Variants in TMEFF2 observed in about 807,000 individuals in gnomAD.
The protein encoded by TMEFF2 is tomoregulin-2.
In TMEFF2, 28 loss-of-function variants were observed where a neutral mutation model predicts 53.8. The observed-to-expected ratio is 0.52, with a 90% CI of 0.39 to 0.71. The LOEUF (loss-of-function observed/expected upper bound fraction) is 0.71. Among genes scored for constraint, TMEFF2 ranks in the 30% least tolerant of loss-of-function variants. The pLI is 0.00. For missense variants in TMEFF2, 353 were observed against 455.2 expected, an observed-to-expected ratio of 0.78 and a Z score of 2.04; for synonymous variants, 162 against 166.3, an observed-to-expected ratio of 0.97 and a Z score of 0.20.
chr2:192,029,259 C>A (rs1265634431), intron 5 of TMEFF2: 1 of 152,048 alleles, frequency 6.6e-6, no homozygotes, highest in Non-Finnish European at 1.5e-5. Context: ...CATGAGTGAG[C>A]TTGCAAGTGG....
chr2:192,081,227 G>A (rs993622236), intron 4 of TMEFF2, among the ~76,000 whole-genome samples: 8 of 152,336 alleles, frequency 5.3e-5, no homozygotes, highest in African/African-American at 1.9e-4. Context: ...AGAAAATGCA[G>A]TGTGCTTTGT....
At chr2:192,092,546 T>G (rs989351414) in intron 4 of TMEFF2, among the ~76,000 whole-genome samples, 3 of 152,132 alleles carry the variant, frequency 2.0e-5, no homozygotes, top group African/African-American at 7.2e-5. Flanking sequence ...TTGAACGCTA[T>G]AGTAGGCAGA....
intron 4 of TMEFF2, among the ~76,000 whole-genome samples, chr2:192,110,042 G>A (rs879472207): frequency 2.6e-5 from 4 of 152,098 alleles, no homozygotes; most frequent in Non-Finnish European, 5.9e-5. Flanking sequence ...GGGGGAGTCT[G>A]TGACTATTCA....
intron 4 of TMEFF2, among the ~76,000 whole-genome samples, chr2:192,131,030 A>G (rs1199843240): frequency 6.7e-6 from 1 of 149,398 alleles, no homozygotes; most frequent in Non-Finnish European, 1.5e-5. Context: ...CACCCTTAGC[A>G]GCAAGTCCCG....
At chr2:192,001,251 T>C (rs1686350749) in intron 5 of TMEFF2, among the ~76,000 whole-genome samples, 1 of 152,202 alleles carries the variant, frequency 6.6e-6, no homozygotes, top group Admixed American at 6.5e-5. Flanking sequence ...AGGTATGTTC[T>C]GTCACTTGTC....
At chr2:192,073,185 A>G (rs977147911) in intron 4 of TMEFF2, among the ~76,000 whole-genome samples, 5 of 151,978 alleles carry the variant, frequency 3.3e-5, no homozygotes, top group African/African-American at 1.2e-4. Context: ...CAGGTGAGGT[A>G]TTTTTAAATG....
intron 4 of TMEFF2, among the ~76,000 whole-genome samples, chr2:192,142,443 C>T (rs916920668): frequency 1.3e-5 from 2 of 151,822 alleles, no homozygotes; most frequent in Non-Finnish European, 2.9e-5. Flanking sequence ...ACAAATTTCT[C>T]GTTGTTATAG....
At chr2:192,070,365 A>G (rs990995506) in intron 4 of TMEFF2, among the ~76,000 whole-genome samples, 10 of 151,762 alleles carry the variant, frequency 6.6e-5, no homozygotes, top group African/African-American at 2.4e-4. Flanking sequence ...TGTTCATATA[A>G]TTTAAGATTA....
chr2:192,070,011 T>TGC (rs1334084517), intron 4 of TMEFF2, among the ~76,000 whole-genome samples: 10 of 19,930 alleles, frequency 5.0e-4, no homozygotes, highest in African/African-American at 1.6e-3. Context: ...TATATATATA[T>TGC]ATATATATAT....
intron 4 of TMEFF2, among the ~76,000 whole-genome samples, chr2:192,079,614 T>TAG (rs1324770172): frequency 1.3e-5 from 2 of 152,188 alleles, no homozygotes; most frequent in African/African-American, 4.8e-5. Flanking sequence ...GTTAGAGTAT[T>TAG]AGACTCTAAT....
chr2:192,049,172 T>TGTGTGTGTGC (rs1303003117), intron 5 of TMEFF2, among the ~76,000 whole-genome samples: 1 of 151,918 alleles, frequency 6.6e-6, no homozygotes, highest in Non-Finnish European at 1.5e-5. Context: ...TGTGTGTGTG[T>TGTGTGTGTGC]GCATACTCAC....
At chr2:192,179,781 A>T (rs1050934972) in intron 3 of TMEFF2, 87 bp from the exon 4 acceptor site, 1 of 1,188,226 alleles carries the variant, frequency 8.4e-7, no homozygotes, top group African/African-American at 1.6e-5. Context: ...TCTTAGTTTA[A>T]TACTGCAATA....
intron 7 of TMEFF2, among the ~76,000 whole-genome samples, chr2:191,983,064 T>G (rs552920748): frequency 6.6e-6 from 1 of 152,168 alleles, no homozygotes; most frequent in Non-Finnish European, 1.5e-5. Context: ...AGGATTCTAC[T>G]GTCTCCTATT....
intron 4 of TMEFF2, among the ~76,000 whole-genome samples, chr2:192,103,002 C>T (rs561500293): frequency 5.3e-5 from 8 of 151,926 alleles, no homozygotes; most frequent in African/African-American, 1.9e-4. Flanking sequence ...TTGAGTTTTT[C>T]CCAAAAACTT....
At chr2:192,004,370 ACTT>A (rs879362741) in intron 5 of TMEFF2, among the ~76,000 whole-genome samples, 5 of 152,336 alleles carry the variant, frequency 3.3e-5, no homozygotes, top group Admixed American at 1.3e-4. Flanking sequence ...GCAGGCTACT[ACTT>A]CTCATTTGTG....
At chr2:192,153,149 A>G (rs1189372463) in intron 4 of TMEFF2, among the ~76,000 whole-genome samples, 1 of 151,528 alleles carries the variant, frequency 6.6e-6, no homozygotes, top group Non-Finnish European at 1.5e-5. Context: ...GAGTTAGTTT[A>G]TTTGCTTAAA....
chr2:192,053,104 G>A (rs936080805), intron 5 of TMEFF2, among the ~76,000 whole-genome samples: 2 of 152,040 alleles, frequency 1.3e-5, no homozygotes, highest in Admixed American at 6.6e-5. Flanking sequence ...CATAAACTAC[G>A]GTCTTAGATT....
chr2:192,160,992 C>G (rs996913089), intron 4 of TMEFF2, among the ~76,000 whole-genome samples: 8 of 152,056 alleles, frequency 5.3e-5, no homozygotes, highest in Non-Finnish European at 1.0e-4. Context: ...AATCTTAGGA[C>G]AGCCATTTTA....
At chr2:192,056,925 C>CT (rs1385188288) in intron 5 of TMEFF2, among the ~76,000 whole-genome samples, 1 of 152,210 alleles carries the variant, frequency 6.6e-6, no homozygotes, top group Non-Finnish European at 1.5e-5. Context: ...TGATCTTGGA[C>CT]TTCTCAGCCT....
Sources: allele counts gnomAD v4.1 joint callset (sites outside exome capture counted in the v4.1 genomes callset), GRCh38; gene constraint gnomAD v4.1.1; transcripts MANE v1.5; gene names NCBI Gene and HGNC (gene_info 2026-07-23, HGNC 2026-07-21).